Variants in HECW2 observed in about 807,000 individuals in gnomAD.
HECW2 encodes HECT, C2 and WW domain containing E3 ubiquitin protein ligase 2.
Under a neutral mutation model 175.2 loss-of-function variants are expected in HECW2, and 61 were observed. That is an observed-to-expected ratio of 0.35 (90% CI 0.28 to 0.43). HECW2 has a LOEUF of 0.43. Among genes scored for constraint, HECW2 ranks in the 20% least tolerant of loss-of-function variants. The pLI is 1.00. For missense variants in HECW2, 1,524 were observed against 2,000.5 expected, an observed-to-expected ratio of 0.76 and a Z score of 4.54; for synonymous variants, 671 against 731.0, an observed-to-expected ratio of 0.92 and a Z score of 1.32.
At chr2:196,384,727 C>T (rs1275055741) in intron 2 of HECW2, among the ~76,000 whole-genome samples, 1 of 152,130 alleles carries the variant, frequency 6.6e-6, no homozygotes, top group Non-Finnish European at 1.5e-5. Flanking sequence ...TTATGACATC[C>T]TGAATTAAGG....
In HECW2 at chr2:196,309,328, G is replaced by T. The variant is rs774600104; in HGVS notation, c.2435-1243C>A. Among the ~76,000 whole-genome samples the T allele has an allele frequency of 7.9e-4, 121 of 152,276 alleles. 1 individual carries two copies. The highest frequency in any genetic ancestry group is 1.6e-3 in the Non-Finnish European group (108 of 68,032). On this transcript the variant is annotated intron_variant, in intron 10 of 28. Coordinates refer to ENST00000644978, the MANE Select transcript of HECW2 (RefSeq NM_001348768.2). Reference sequence around the variant, plus strand: ...AAATGGCAAAAGAAAGAGGAATTGGGCTGAACAAAAGCACCACACAGACAG... The same window carrying T: ...AAATGGCAAAAGAAAGAGGAATTGGTCTGAACAAAAGCACCACACAGACAG...
Position 196,307,140 on chromosome 2 carries a change from T to C in HECW2, c.2679A>G (p.Gln893=), listed in dbSNP as rs760809624. ...GCCCAAAGCTCTTACCTGCACTGGC[T>C]TGGTGAAAGTCAGCTTCCTCCCCTG... ...DGAGEEADFH[Q]ASADFRRENI... The change falls in exon 12 of 29, where the codon CAA becomes CAG. Residue 893 remains glutamine (Q), a synonymous_variant. Transcript: ENST00000644978. The C allele has an allele frequency of 2.5e-5, 40 of 1,611,250 alleles. No homozygotes were observed. Among genetic ancestry groups the C allele is most frequent in the Non-Finnish European group, 3.0e-5 (35 of 1,177,472 alleles).
At chr2:196,426,560 T>A (rs1250347623) in intron 2 of HECW2, among the ~76,000 whole-genome samples, 1 of 152,174 alleles carries the variant, frequency 6.6e-6, no homozygotes, top group Non-Finnish European at 1.5e-5. Flanking sequence ...TTGAGAAGTG[T>A]CTATTCTGGT....
chr2:196,272,596 C>T (rs754747721), intron 16 of HECW2, among the ~76,000 whole-genome samples: 4 of 152,036 alleles, frequency 2.6e-5, no homozygotes, highest in Admixed American at 6.6e-5. Flanking sequence ...AGAGATCTGC[C>T]ATTTCCAATC....
At chr2:196,264,487 C>T (rs1448552916) in intron 17 of HECW2, among the ~76,000 whole-genome samples, 1 of 152,110 alleles carries the variant, frequency 6.6e-6, no homozygotes, top group Admixed American at 6.5e-5. Context: ...CAAAAAAACA[C>T]AATACTTTGG....
At chr2:196,309,938 A>C (rs1161739045) in intron 10 of HECW2, among the ~76,000 whole-genome samples, 1 of 152,204 alleles carries the variant, frequency 6.6e-6, no homozygotes, top group Non-Finnish European at 1.5e-5. Context: ...ACAGTGAAAG[A>C]AATTCTCAAA....
At chr2:196,442,907 T>C (rs977835950) in intron 1 of HECW2, among the ~76,000 whole-genome samples, 10 of 152,312 alleles carry the variant, frequency 6.6e-5, no homozygotes, top group Non-Finnish European at 1.3e-4. Context: ...TAAATGGTTA[T>C]CTTCGAGGGC....
At chr2:196,381,369 T>G (rs912213871) in intron 2 of HECW2, among the ~76,000 whole-genome samples, 36 of 152,314 alleles carry the variant, frequency 2.4e-4, no homozygotes, top group South Asian at 6.2e-4. Flanking sequence ...CATTTCATAA[T>G]GCTTTGGTGC....
intron 20 of HECW2, among the ~76,000 whole-genome samples, chr2:196,241,211 AG>A (rs1271150267): frequency 1.3e-5 from 2 of 152,242 alleles, no homozygotes; most frequent in Non-Finnish European, 2.9e-5. Flanking sequence ...GGTAATGGGC[AG>A]AGAGATGATA....
intron 1 of HECW2, among the ~76,000 whole-genome samples, chr2:196,441,006 T>C (rs1234696738): frequency 3.9e-4 from 59 of 152,130 alleles, no homozygotes; most frequent in Non-Finnish European, 1.5e-5. Flanking sequence ...ACAAAATCAT[T>C]TTTCTTCAAG....
chr2:196,523,585 C>A (rs1173044754), intron 1 of HECW2, among the ~76,000 whole-genome samples: 1 of 150,586 alleles, frequency 6.6e-6, no homozygotes, highest in Non-Finnish European at 1.5e-5. Context: ...CAGTTTTTGC[C>A]CATTCAGTAT....
intron 1 of HECW2, among the ~76,000 whole-genome samples, chr2:196,524,591 C>T (rs1575635261): frequency 2.5e-5 from 2 of 80,906 alleles, no homozygotes; most frequent in Admixed American, 1.2e-4. Context: ...TTGGATCTTT[C>T]CTGCTTTCTC....
At chr2:196,235,092 A>AC (rs1319967836) in intron 21 of HECW2, among the ~76,000 whole-genome samples, 2 of 85,510 alleles carry the variant, frequency 2.3e-5, no homozygotes, top group African/African-American at 3.8e-5. Context: ...CTCTAGGATT[A>AC]TTTTTGTATT....
chr2:196,556,632 T>G (rs1191080696), intron 1 of HECW2, among the ~76,000 whole-genome samples: 1 of 152,214 alleles, frequency 6.6e-6, no homozygotes, highest in African/African-American at 2.4e-5. Flanking sequence ...TATATTACTT[T>G]TTGCCTGGCA....
At chr2:196,455,123 T>G (rs1219823831) in intron 1 of HECW2, among the ~76,000 whole-genome samples, 2 of 151,562 alleles carry the variant, frequency 1.3e-5, no homozygotes, top group East Asian at 3.9e-4. Flanking sequence ...GACCTCCACC[T>G]CCTGGGTTCA....
At chr2:196,388,967 A>G (rs1378027608) in intron 2 of HECW2, among the ~76,000 whole-genome samples, 2 of 152,206 alleles carry the variant, frequency 1.3e-5, no homozygotes, top group Non-Finnish European at 2.9e-5. Context: ...CCCCAGTGAA[A>G]AACTGAACAG....
At chr2:196,272,399 T>C (rs1689772829) in intron 16 of HECW2, among the ~76,000 whole-genome samples, 1 of 152,214 alleles carries the variant, frequency 6.6e-6, no homozygotes. Context: ...ATGAATTTGT[T>C]TACTTAAGAT....
intron 2 of HECW2, among the ~76,000 whole-genome samples, chr2:196,355,985 C>T (rs1693351202): frequency 6.6e-6 from 1 of 152,008 alleles, no homozygotes; most frequent in Non-Finnish European, 1.5e-5. Flanking sequence ...AGGCGTAACA[C>T]AAAAATGCAA....
At chr2:196,342,781 G>A (rs549034506) in intron 3 of HECW2, among the ~76,000 whole-genome samples, 3 of 152,244 alleles carry the variant, frequency 2.0e-5, no homozygotes, top group Non-Finnish European at 2.9e-5. Flanking sequence ...GTCCACACAC[G>A]AAGTTATTCT....
Sources: allele counts gnomAD v4.1 joint callset (sites outside exome capture counted in the v4.1 genomes callset), GRCh38; gene constraint gnomAD v4.1.1; transcripts MANE v1.5; gene names NCBI Gene and HGNC (gene_info 2026-07-23, HGNC 2026-07-21).